Variants in IKZF2 observed in about 807,000 individuals in gnomAD.
The protein encoded by IKZF2 is zinc finger protein Helios.
In IKZF2, 15 loss-of-function variants were observed where a neutral mutation model predicts 49.2. The ratio of observed to expected loss-of-function variants is 0.30; its 90% confidence interval spans 0.20 to 0.47. IKZF2 has a LOEUF of 0.47. Among genes scored for constraint, IKZF2 ranks in the 20% least tolerant of loss-of-function variants. The pLI, the probability that IKZF2 is intolerant of heterozygous loss-of-function variation, is 1.00. For missense variants in IKZF2, 567 were observed against 664.6 expected, an observed-to-expected ratio of 0.85 and a Z score of 1.61; for synonymous variants, 227 against 221.4, an observed-to-expected ratio of 1.03 and a Z score of -0.23.
At chr2:213,044,172 C>T (rs1470610266) in intron 6 of IKZF2, among the ~76,000 whole-genome samples, 1 of 152,176 alleles carries the variant, frequency 6.6e-6, no homozygotes, top group East Asian at 1.9e-4. Context: ...TACCGAAGGT[C>T]AGTGCTCAAG....
At chr2:213,082,779 T>C (rs1191353082) in intron 4 of IKZF2, among the ~76,000 whole-genome samples, 1 of 152,190 alleles carries the variant, frequency 6.6e-6, no homozygotes, top group East Asian at 1.9e-4. Flanking sequence ...GCAAAAAGAC[T>C]CATAAATTTC....
intron 7 of IKZF2, chr2:213,014,318 G>A (rs1696327778): frequency 6.4e-6 from 1 of 155,070 alleles, no homozygotes; most frequent in South Asian, 2.0e-4. Context: ...ATTTAAGTAA[G>A]TCAACTTGTT....
At chr2:213,092,377 T>G (rs2125649080) in intron 4 of IKZF2, among the ~76,000 whole-genome samples, 1 of 152,278 alleles carries the variant, frequency 6.6e-6, no homozygotes, top group African/African-American at 2.4e-5. Context: ...CTCTACCATT[T>G]CAATGTACAG....
intron 4 of IKZF2, among the ~76,000 whole-genome samples, chr2:213,112,466 TTC>T (rs1486866698): frequency 1.3e-4 from 19 of 149,218 alleles, no homozygotes; most frequent in African/African-American, 9.9e-5. Context: ...CTTTCCTTCT[TTC>T]TTTTTTTTTT....
At chr2:213,044,864 G>C (rs1700001112) in intron 6 of IKZF2, among the ~76,000 whole-genome samples, 1 of 152,174 alleles carries the variant, frequency 6.6e-6, no homozygotes, top group Non-Finnish European at 1.5e-5. Context: ...ACAATACTAA[G>C]ACCATTAGTT....
At chr2:213,128,341 G>GTAT (rs1202693745) in intron 4 of IKZF2, among the ~76,000 whole-genome samples, 1 of 152,034 alleles carries the variant, frequency 6.6e-6, no homozygotes, top group Admixed American at 6.6e-5. Flanking sequence ...CTTAAGGCAA[G>GTAT]TATTATTATT....
At chr2:213,052,575 T>G (rs1415217661) in intron 5 of IKZF2, among the ~76,000 whole-genome samples, 1 of 152,064 alleles carries the variant, frequency 6.6e-6, no homozygotes, top group Non-Finnish European at 1.5e-5. Flanking sequence ...CTTGTTTTAT[T>G]GTGTTCCAAA....
At chr2:213,073,327 G>T (rs1357805978) in intron 4 of IKZF2, among the ~76,000 whole-genome samples, 1 of 152,154 alleles carries the variant, frequency 6.6e-6, no homozygotes, top group Non-Finnish European at 1.5e-5. Flanking sequence ...GTGAGTAAGA[G>T]TGGAGGTAAA....
chr2:213,114,169 A>C (rs1481110792), intron 4 of IKZF2, among the ~76,000 whole-genome samples: 2 of 152,166 alleles, frequency 1.3e-5, no homozygotes, highest in African/African-American at 4.8e-5. Context: ...CCTGAAAAAA[A>C]ATTTTCTTCC....
chr2:213,148,610 T>C lies in IKZF2; in HGVS notation c.20A>G (p.Asp7Gly). The C allele has an allele frequency of 6.2e-7, 1 of 1,611,744 alleles. No individual in the cohort carries two copies. ...CTAATACTTACACGTTATATAGCCA[T>C]CAATAGCCTCTGTTTCCATAGTCAA... METEAI[D>G]GYITCDNELS... Residue 7 changes from aspartate (D) to glycine (G), a missense_variant, in exon 3 of 9, where the codon GAT (aspartate) becomes GGT (glycine). By Grantham distance (94) the Asp-to-Gly change is moderately conservative (BLOSUM62 -1). This residue lies in a region of IKZF2 where 156 missense variants were observed against 138.5 expected (regional missense o/e 1.13). Coordinates refer to ENST00000434687, the MANE Select transcript of IKZF2 (RefSeq NM_001387220.1).
Position 213,150,063 on chromosome 2 carries a change from C to T in IKZF2, c.-16+81G>A, listed in dbSNP as rs754438590. 150 of 671,972 alleles carry T rather than the reference C, an allele frequency of 2.2e-4. 1 individual carries two copies. The highest frequency in any genetic ancestry group is 3.4e-4 in the Non-Finnish European group (147 of 431,812). 41.6% of individuals were successfully genotyped at this position (671,972 alleles called of 1,614,324 possible). A position where few individuals can be genotyped will look rare whatever the true frequency, so the allele number is the denominator to read the frequency against. ...CAGGGAGAAGCGAAAGAAGGCTGCC[C>T]CATCAATGAAATGGTTATTAACCCT... On this transcript the variant is annotated intron_variant, in intron 2 of 8. Transcript: ENST00000434687.
At chr2:213,149,777 A>ACCC (rs112304660) in intron 2 of IKZF2, among the ~76,000 whole-genome samples, 136 of 98,182 alleles carry the variant, frequency 1.4e-3, no homozygotes, top group African/African-American at 4.8e-3. Flanking sequence ...ACACTCCCTT[A>ACCC]CCCCCCCCCC....
intron 6 of IKZF2, among the ~76,000 whole-genome samples, chr2:213,041,346 G>C (rs1177715080): frequency 1.3e-5 from 2 of 149,828 alleles, no homozygotes; most frequent in South Asian, 4.2e-4. Flanking sequence ...TTTTGGGGGG[G>C]GTGGGAGGAT....
intron 4 of IKZF2, among the ~76,000 whole-genome samples, chr2:213,124,244 GCGCGCGCGCACACACACA>G (rs1372607520): frequency 7.6e-5 from 6 of 78,998 alleles, no homozygotes; most frequent in African/African-American, 2.9e-4. Context: ...ATGCGCTCGC[GCGCGCGCGCACACACACA>G]CACACACACA....
In IKZF2 at chr2:213,006,552, ACT is replaced by A. The variant is rs2124991297; in HGVS notation, c.*806_*807del. 1 of 152,494 alleles carries A rather than the reference ACT, an allele frequency of 6.6e-6. No individual in the cohort carries two copies. The highest frequency in any genetic ancestry group is 2.4e-5 in the African/African-American group (1 of 41,514). 9.4% of individuals were successfully genotyped at this position (152,494 alleles called of 1,614,324 possible). Reference sequence around the variant, plus strand: ...AGAAATTATTGACTGCCTTTTATCCACTCTTAGACCATATGTTATTCTGAAAA... The same window carrying A: ...AGAAATTATTGACTGCCTTTTATCCACTTAGACCATATGTTATTCTGAAAA... On this transcript the variant is annotated 3_prime_UTR_variant, in exon 9 of 9. Coordinates refer to ENST00000434687, the MANE Select transcript of IKZF2 (RefSeq NM_001387220.1).
chr2:213,047,580 T>A (rs533770968), intron 6 of IKZF2, among the ~76,000 whole-genome samples: 8 of 152,212 alleles, frequency 5.3e-5, no homozygotes, highest in African/African-American at 1.7e-4. Flanking sequence ...GAATGTTTTC[T>A]CCAGGTTTCA....
At chr2:213,069,106 C>T (rs942070623) in intron 4 of IKZF2, among the ~76,000 whole-genome samples, 8 of 152,048 alleles carry the variant, frequency 5.3e-5, no homozygotes, top group South Asian at 2.1e-4. Flanking sequence ...GTATGGCTTG[C>T]GGCTGTTTGG....
chr2:213,008,556 A>C (rs1327965212), intron 8 of IKZF2, among the ~76,000 whole-genome samples: 1 of 152,110 alleles, frequency 6.6e-6, no homozygotes. Flanking sequence ...CATGAAAAAA[A>C]TATAAAAGCA....
chr2:213,104,601 A>G (rs148097836), intron 4 of IKZF2, among the ~76,000 whole-genome samples: 2 of 152,292 alleles, frequency 1.3e-5, no homozygotes, highest in African/African-American at 4.8e-5. Context: ...TCTCTTCTAG[A>G]TAGTACGCAG....
Sources: gnomAD v4.1 joint callset for allele counts (sites outside exome capture counted in the v4.1 genomes callset) on GRCh38, gnomAD v4.1.1 for gene constraint, gnomAD v4.1.1 regional missense constraint, MANE v1.5 for transcripts, NCBI Gene and HGNC (gene_info 2026-07-23, HGNC 2026-07-21) for gene names.